Variants in PDE4B observed in about 807,000 individuals in gnomAD.
The protein encoded by PDE4B is phosphodiesterase 4B.
In PDE4B, 20 loss-of-function variants were observed where a neutral mutation model predicts 82.2. The ratio of observed to expected loss-of-function variants is 0.24; its 90% CI spans 0.17 to 0.35. PDE4B has a LOEUF of 0.35. Among genes scored for constraint, PDE4B ranks in the 10% least tolerant of loss-of-function variants. PDE4B has a pLI of 1.00. For missense variants in PDE4B, 655 were observed against 907.2 expected (o/e 0.72, Z 3.57); for synonymous variants, 320 against 318.9 (o/e 1.00, Z -0.04).
chr1:66,232,020 G>C (rs1216031177), intron 3 of PDE4B, among the ~76,000 whole-genome samples: 1 of 152,122 alleles, frequency 6.6e-6, no homozygotes, highest in African/African-American at 2.4e-5. Context: ...CCCGATGAAG[G>C]GCAAGCTAAG....
intron 3 of PDE4B, among the ~76,000 whole-genome samples, chr1:66,186,082 T>C (rs11805760): frequency 0.029 from 4,347 of 152,316 alleles, 90 homozygotes; most frequent in Middle Eastern, 0.095. Context: ...GCACCATTTA[T>C]TAAATAGGGA....
chr1:66,350,697 T>A (rs976638267), intron 8 of PDE4B, among the ~76,000 whole-genome samples: 1 of 152,184 alleles, frequency 6.6e-6, no homozygotes, highest in African/African-American at 2.4e-5. Context: ...TGTGATTAGT[T>A]TAACTAAGAA....
At chr1:66,166,229 T>C (rs1309141816) in intron 3 of PDE4B, among the ~76,000 whole-genome samples, 3 of 152,178 alleles carry the variant, frequency 2.0e-5, no homozygotes, top group Non-Finnish European at 4.4e-5. Context: ...TTACTCCATG[T>C]ACAAAAACTA....
At chr1:65,899,702 T>C (rs1423180956) in intron 1 of PDE4B, among the ~76,000 whole-genome samples, 1 of 149,708 alleles carries the variant, frequency 6.7e-6, no homozygotes, top group African/African-American at 2.4e-5. Context: ...TACTCAGCCA[T>C]AAAAAGGAAT....
intron 8 of PDE4B, among the ~76,000 whole-genome samples, chr1:66,337,241 A>G (rs1660595845): frequency 6.6e-6 from 1 of 152,194 alleles, no homozygotes; most frequent in Non-Finnish European, 1.5e-5. Flanking sequence ...TGCTGTAATC[A>G]GAGGGCCTTA....
intron 3 of PDE4B, among the ~76,000 whole-genome samples, chr1:65,933,463 C>T (rs183398342): frequency 2.6e-4 from 39 of 152,208 alleles, no homozygotes; most frequent in Non-Finnish European, 4.7e-4. Context: ...GAGGCCACGG[C>T]GGGCGGATCA....
At chr1:65,908,975 A>G (rs531169400) in intron 1 of PDE4B, among the ~76,000 whole-genome samples, 6 of 152,300 alleles carry the variant, frequency 3.9e-5, no homozygotes, top group African/African-American at 1.4e-4. Context: ...GAGGAAGAAT[A>G]AAAGAGTAGT....
At chr1:66,371,763 A>G (rs1394751739) in intron 16 of PDE4B, among the ~76,000 whole-genome samples, 1 of 152,216 alleles carries the variant, frequency 6.6e-6, no homozygotes, top group Non-Finnish European at 1.5e-5. Context: ...GCTCCTCATC[A>G]CTTTGGAATA....
At chr1:66,050,028 G>A (rs1316493114) in intron 3 of PDE4B, among the ~76,000 whole-genome samples, 1 of 151,872 alleles carries the variant, frequency 6.6e-6, no homozygotes, top group Admixed American at 6.6e-5. Context: ...TGGGACATAG[G>A]CAACAAAAAG....
At chr1:65,861,807 G>C (rs1433413800) in intron 1 of PDE4B, among the ~76,000 whole-genome samples, 2 of 151,992 alleles carry the variant, frequency 1.3e-5, no homozygotes, top group Admixed American at 1.3e-4. Context: ...TCTCTTTGTA[G>C]CAATTGTGAA....
At chr1:66,044,274 A>T (rs946497804) in intron 3 of PDE4B, among the ~76,000 whole-genome samples, 1 of 151,756 alleles carries the variant, frequency 6.6e-6, no homozygotes, top group Non-Finnish European at 1.5e-5. Context: ...ATATGAATTT[A>T]CAAATGCCAA....
At chr1:66,133,672 T>A (rs1057497449) in intron 3 of PDE4B, among the ~76,000 whole-genome samples, 1 of 152,194 alleles carries the variant, frequency 6.6e-6, no homozygotes, top group Non-Finnish European at 1.5e-5. Flanking sequence ...TACCTCCTTG[T>A]AATCCTTGGG....
Position 65,948,025 on chromosome 1 carries a change from A to T in PDE4B, c.281+29190A>T, listed in dbSNP as rs143878173. The stretch of plus-strand genomic sequence containing the variant: ...TATACATAAATATATATAATCATAT[A>T]TATTTATAAATTCATTATCCTCGTG... On this transcript the variant is annotated intron_variant, in intron 3 of 16. Transcript: ENST00000341517. Among the ~76,000 whole-genome samples, 11 of 148,804 alleles carry T rather than the reference A, an allele frequency of 7.4e-5. No homozygotes were observed. In the East Asian group the frequency reaches 2.2e-3, roughly 29 times the overall value.
At chr1:65,977,722 A>G (rs1304360954) in intron 3 of PDE4B, among the ~76,000 whole-genome samples, 2 of 152,220 alleles carry the variant, frequency 1.3e-5, no homozygotes, top group East Asian at 1.9e-4. Flanking sequence ...GTGTTATCCT[A>G]TACAGCATAC....
At chr1:65,875,875 G>A (rs906124126) in intron 1 of PDE4B, among the ~76,000 whole-genome samples, 5 of 151,304 alleles carry the variant, frequency 3.3e-5, no homozygotes, top group East Asian at 2.0e-4. Context: ...TGGGTGCAGC[G>A]CACCAGCATG....
At chr1:66,137,590 A>G (rs1171334113) in intron 3 of PDE4B, among the ~76,000 whole-genome samples, 3 of 152,188 alleles carry the variant, frequency 2.0e-5, no homozygotes, top group Admixed American at 1.3e-4. Context: ...GATTCAGAAC[A>G]CTTAAGTGGC....
intron 1 of PDE4B, among the ~76,000 whole-genome samples, chr1:65,849,828 G>A (rs1451276619): frequency 6.6e-6 from 1 of 152,150 alleles, no homozygotes; most frequent in Non-Finnish European, 1.5e-5. Flanking sequence ...TGTTACAAAG[G>A]GTTGTGACAC....
At chr1:66,312,867 T>C (rs377156694) in intron 7 of PDE4B, among the ~76,000 whole-genome samples, 1 of 152,226 alleles carries the variant, frequency 6.6e-6, no homozygotes, top group South Asian at 2.1e-4. Context: ...CCCACAAATC[T>C]AAAATATTTA....
At chr1:65,843,935 C>T (rs1646238373) in intron 1 of PDE4B, among the ~76,000 whole-genome samples, 3 of 152,156 alleles carry the variant, frequency 2.0e-5, no homozygotes, top group African/African-American at 7.2e-5. Context: ...AGAACATCTT[C>T]ATAACAAAGT....
Sources: gnomAD v4.1 joint callset for allele counts (sites outside exome capture counted in the v4.1 genomes callset) on GRCh38, gnomAD v4.1.1 for gene constraint, MANE v1.5 for transcripts, NCBI Gene and HGNC (gene_info 2026-07-23, HGNC 2026-07-21) for gene names.